Variants in AFG1L observed in about 807,000 individuals in gnomAD.
The protein encoded by AFG1L is AFG1 like ATPase, also known as AFG1-like ATPase.
AFG1L carries 53 observed loss-of-function variants against 62.2 expected under a neutral mutation model. That is an observed-to-expected ratio of 0.85 (90% confidence interval 0.68 to 1.07). The LOEUF (loss-of-function observed/expected upper bound fraction) is 1.07. Among genes scored for constraint, AFG1L ranks in the 50% least tolerant of loss-of-function variants. The probability of loss-of-function intolerance (pLI) is 0.00; values close to 1 mark genes in which losing one functional copy is unlikely to be tolerated. For synonymous variants in AFG1L, 228 were observed against 210.3 expected (o/e 1.08, Z -0.73); for missense variants, 555 against 590.5 (o/e 0.94, Z 0.62).
At chr6:108,368,576 A>G (rs990681847) in intron 6 of AFG1L, among the ~76,000 whole-genome samples, 2 of 152,202 alleles carry the variant, frequency 1.3e-5, no homozygotes, top group African/African-American at 4.8e-5. Context: ...GAGCCAAGGG[A>G]GTGAGCTTTT....
chr6:108,376,290 G>A (rs1398288914), intron 6 of AFG1L, among the ~76,000 whole-genome samples: 1 of 151,910 alleles, frequency 6.6e-6, no homozygotes, highest in Non-Finnish European at 1.5e-5. Flanking sequence ...TCTTTGTGTG[G>A]ATTTTTGAGT....
In AFG1L at chr6:108,523,490, G is replaced by A. The variant is rs1342242360; in HGVS notation, c.*1065G>A. The A allele has an allele frequency of 6.6e-6, 1 of 152,102 alleles. No homozygotes were observed. The highest frequency in any genetic ancestry group is 1.9e-4 in the East Asian group (1 of 5,198). The allele number at this position is 152,102 out of a possible 1,614,324, so 9.4% of individuals were successfully genotyped here. ...AAAGTGGATCTTCGGCTGTGGATGAGTGTGAAAAACAGAAAAAATATAAAA... is the reference window on the plus strand; with the variant it reads ...AAAGTGGATCTTCGGCTGTGGATGAATGTGAAAAACAGAAAAAATATAAAA... On this transcript the variant is annotated 3_prime_UTR_variant, in exon 13 of 13. Transcript: ENST00000368977.
chr6:108,378,391 C>T (rs191916961), intron 6 of AFG1L, among the ~76,000 whole-genome samples: 50 of 152,246 alleles, frequency 3.3e-4, no homozygotes, highest in African/African-American at 1.2e-3. Flanking sequence ...GTAATCTGAG[C>T]TTACTGCAAC....
At chr6:108,427,152 G>C (rs1263374407) in intron 7 of AFG1L, among the ~76,000 whole-genome samples, 1 of 151,874 alleles carries the variant, frequency 6.6e-6, no homozygotes, top group East Asian at 1.9e-4. Context: ...GCCCAGGCTA[G>C]AGTGCAGTGG....
At chr6:108,382,189 G>A (rs373223170) in intron 6 of AFG1L, among the ~76,000 whole-genome samples, 7 of 151,838 alleles carry the variant, frequency 4.6e-5, no homozygotes, top group South Asian at 2.1e-4. Flanking sequence ...TAGTAGAGAC[G>A]GGGTTTCTCC....
chr6:108,411,296 A>C (rs1030435033), intron 7 of AFG1L, among the ~76,000 whole-genome samples: 1 of 152,200 alleles, frequency 6.6e-6, no homozygotes, highest in East Asian at 1.9e-4. Flanking sequence ...TCGCAGCTCA[A>C]GGAGGCCTAC....
chr6:108,509,165 G>A (rs545899833), intron 10 of AFG1L, among the ~76,000 whole-genome samples: 1 of 152,338 alleles, frequency 6.6e-6, no homozygotes, highest in South Asian at 2.1e-4. Flanking sequence ...TGTGTTTGCA[G>A]ATTGTGTTCC....
At position 108,488,875 on chromosome 6, in the gene AFG1L, G is replaced by A. The variant is rs528589479; in HGVS notation, c.1062+11583G>A. ...TCCAGAAACAAACAAACAAAAAACC[G>A]GAGTTGGCAATTACAGAGTATATTC... On this transcript the variant is annotated intron_variant, in intron 10 of 12. Coordinates refer to ENST00000368977, the MANE Select transcript of AFG1L (RefSeq NM_145315.5). Among the ~76,000 whole-genome samples the A allele has an allele frequency of 7.2e-5, 11 of 151,874 alleles. No homozygotes were observed. The South Asian group carries it at 8.3e-4, about 11-fold the overall frequency.
chr6:108,380,419 C>T (rs1366569537), intron 6 of AFG1L, among the ~76,000 whole-genome samples: 3 of 152,158 alleles, frequency 2.0e-5, no homozygotes, highest in Admixed American at 2.0e-4. Flanking sequence ...AATAATGGCA[C>T]ACACAGATCA....
At chr6:108,311,556 G>T (rs1450206493) in intron 1 of AFG1L, among the ~76,000 whole-genome samples, 4 of 151,856 alleles carry the variant, frequency 2.6e-5, no homozygotes, top group Non-Finnish European at 4.4e-5. Flanking sequence ...AGATAGATGT[G>T]TTGGTGTGTT....
intron 3 of AFG1L, among the ~76,000 whole-genome samples, chr6:108,349,844 G>C (rs1163727158): frequency 1.3e-5 from 2 of 152,162 alleles, no homozygotes; most frequent in Non-Finnish European, 2.9e-5. Context: ...TTGAGCCTGG[G>C]AGATCAAGGT....
Position 108,384,205 on chromosome 6 carries a change from C to T in AFG1L, c.749-17791C>T, listed in dbSNP as rs576365450. ...GTGCTGCATTGATACCTGCTATTCTCATAGAAAATCCAGTCTTTCTGGCCT... is the reference window on the plus strand; with the variant it reads ...GTGCTGCATTGATACCTGCTATTCTTATAGAAAATCCAGTCTTTCTGGCCT... On this transcript the variant is annotated intron_variant, in intron 6 of 12. Transcript: ENST00000368977. Among the ~76,000 whole-genome samples the T allele has an allele frequency of 2.0e-5, 3 of 152,272 alleles. No homozygotes were observed. The South Asian group carries it at 6.2e-4, about 32-fold the overall frequency.
chr6:108,497,327 T>G (rs1248565745), intron 10 of AFG1L, among the ~76,000 whole-genome samples: 1 of 152,260 alleles, frequency 6.6e-6, no homozygotes, highest in Non-Finnish European at 1.5e-5. Flanking sequence ...ATTTCTTTAT[T>G]ACTACTGAGC....
intron 11 of AFG1L, among the ~76,000 whole-genome samples, chr6:108,511,114 G>T (rs987216726): frequency 3.3e-5 from 5 of 149,708 alleles, no homozygotes; most frequent in African/African-American, 9.8e-5. Flanking sequence ...AGAAGAAGAA[G>T]AAGAAGTAGA....
intron 8 of AFG1L, among the ~76,000 whole-genome samples, chr6:108,465,656 A>ACTGCTGCTG (rs10574143): frequency 6.6e-6 from 1 of 150,714 alleles, no homozygotes; most frequent in Non-Finnish European, 1.5e-5. Context: ...TCATAGAGTC[A>ACTGCTGCTG]CTGCTGCTGC....
intron 2 of AFG1L, among the ~76,000 whole-genome samples, chr6:108,332,898 G>A (rs1050588482): frequency 1.3e-5 from 2 of 151,948 alleles, no homozygotes; most frequent in Non-Finnish European, 2.9e-5. Context: ...GAGCCATCAC[G>A]CCCAGCCAGA....
At position 108,356,674 on chromosome 6, in the gene AFG1L, A is replaced by AT; in HGVS notation, c.518-13dup. ...TACTAATATATTTCATCTGTGTTTA[A>AT]TTTCATGCATTTAAGGAATACATCG... On this transcript the variant is annotated splice_polypyrimidine_tract_variant and intron_variant, in intron 4 of 12. Transcript: ENST00000368977. The AT allele has an allele frequency of 6.4e-7, 1 of 1,568,248 alleles. No individual in the cohort carries two copies. Among genetic ancestry groups the AT allele is most frequent in the Non-Finnish European group, 8.6e-7 (1 of 1,156,914 alleles).
intron 8 of AFG1L, among the ~76,000 whole-genome samples, chr6:108,461,075 T>C (rs1234582566): frequency 6.6e-6 from 1 of 152,238 alleles, no homozygotes; most frequent in African/African-American, 2.4e-5. Context: ...TTTTGAATAA[T>C]TTTTTTCATT....
At chr6:108,465,860 T>C (rs540329091) in intron 8 of AFG1L, among the ~76,000 whole-genome samples, 1 of 152,150 alleles carries the variant, frequency 6.6e-6, no homozygotes, top group African/African-American at 2.4e-5. Flanking sequence ...TTAACTTTTT[T>C]AAAGAGTTAT....
Sources: gnomAD v4.1 joint callset for allele counts (sites outside exome capture counted in the v4.1 genomes callset) on GRCh38, gnomAD v4.1.1 for gene constraint, MANE v1.5 for transcripts, NCBI Gene and HGNC (gene_info 2026-07-23, HGNC 2026-07-21) for gene names.